BARD1: variants seen among roughly 807,000 people sequenced by gnomAD.
BARD1 encodes the protein BRCA1-associated RING domain protein 1.
A neutral mutation model predicts 77.0 loss-of-function variants in BARD1; 73 were observed. That is an observed-to-expected ratio of 0.95 (90% confidence interval 0.79 to 1.15). The LOEUF (loss-of-function observed/expected upper bound fraction) is 1.15. BARD1 is among the 50% of genes most tolerant of loss of function. The probability of loss-of-function intolerance (pLI) is 0.00; values close to 1 mark genes in which losing one functional copy is unlikely to be tolerated. For synonymous variants in BARD1, 384 were observed against 338.0 expected, an observed-to-expected ratio of 1.14 and a Z score of -1.49; for missense variants, 993 against 938.8, an observed-to-expected ratio of 1.06 and a Z score of -0.75.
chr2:214,748,377 C>G (rs761972579), intron 7 of BARD1, among the ~76,000 whole-genome samples: 11 of 151,978 alleles, frequency 7.2e-5, no homozygotes, highest in Non-Finnish European at 1.0e-4. Flanking sequence ...ACAAAAAACA[C>G]CCCAAAGGTT....
intron 2 of BARD1, among the ~76,000 whole-genome samples, chr2:214,793,843 T>C (rs939086700): frequency 1.3e-5 from 2 of 152,186 alleles, no homozygotes; most frequent in South Asian, 4.1e-4. Flanking sequence ...CATAAAATCA[T>C]GCTGAGTAAC....
At chr2:214,729,805 C>T (rs1040965252) in intron 10 of BARD1, among the ~76,000 whole-genome samples, 1 of 152,086 alleles carries the variant, frequency 6.6e-6, no homozygotes, top group Non-Finnish European at 1.5e-5. Flanking sequence ...CAATTCTGCC[C>T]ATCCACATTC....
intron 6 of BARD1, among the ~76,000 whole-genome samples, chr2:214,760,746 G>C (rs1574773658): frequency 2.0e-5 from 3 of 151,406 alleles, no homozygotes; most frequent in Admixed American, 6.6e-5. Flanking sequence ...CGTCAAAATA[G>C]GTAAAAGTTT....
intron 4 of BARD1, among the ~76,000 whole-genome samples, chr2:214,770,970 T>C (rs1025656810): frequency 1.3e-5 from 2 of 152,218 alleles, no homozygotes; most frequent in African/African-American, 4.8e-5. Context: ...ACGTTTTAAG[T>C]ATCCGTTAAC....
Position 214,731,979 on chromosome 2 carries a change from T to A in BARD1, c.1904-1471A>T, listed in dbSNP as rs137964866. On this transcript the variant is annotated intron_variant, in intron 9 of 10. Transcript: ENST00000260947. ...ATATAGCACCTGTAAGAGTTCAGAG[T>A]TACACATAGTTTTGAATATCAAACT... Among the ~76,000 whole-genome samples the A allele has an allele frequency of 6.2e-4, 95 of 152,320 alleles. No homozygotes were observed. In the East Asian group the frequency reaches 0.016, roughly 25 times the overall value.
chr2:214,765,721 T>C (rs1361120414), intron 6 of BARD1, among the ~76,000 whole-genome samples: 1 of 152,090 alleles, frequency 6.6e-6, no homozygotes, highest in Non-Finnish European at 1.5e-5. Context: ...GGTCCATGTA[T>C]ATGGAGACAC....
At chr2:214,801,240 C>T (rs546995996) in intron 1 of BARD1, among the ~76,000 whole-genome samples, 1 of 152,250 alleles carries the variant, frequency 6.6e-6, no homozygotes, top group East Asian at 1.9e-4. Context: ...CACAAACAAC[C>T]TAAATGTTTC....
intron 9 of BARD1, among the ~76,000 whole-genome samples, chr2:214,736,714 A>AG (rs113399787): frequency 0.03 from 4,584 of 152,218 alleles, 225 homozygotes; most frequent in African/African-American, 0.1. Flanking sequence ...TATGGCATCA[A>AG]AAAAATGAGA....
intron 10 of BARD1, chr2:214,730,111 T>C (rs1692284401): frequency 2.4e-6 from 1 of 418,732 alleles, no homozygotes; most frequent in African/African-American, 2.0e-5. Context: ...GGTAACTAAA[T>C]CCAAGCAGCA....
intron 6 of BARD1, among the ~76,000 whole-genome samples, chr2:214,758,671 G>A (rs965529420): frequency 1.3e-5 from 2 of 152,166 alleles, no homozygotes; most frequent in African/African-American, 4.8e-5. Flanking sequence ...GAATCCTTCT[G>A]ATCCTGAAGA....
intron 7 of BARD1, among the ~76,000 whole-genome samples, chr2:214,747,268 C>T (rs1462640354): frequency 2.0e-5 from 3 of 151,810 alleles, no homozygotes; most frequent in Non-Finnish European, 4.4e-5. Context: ...GGACTGTAAA[C>T]TAGTTCAACC....
chr2:214,766,084 T>C (rs1029681152), intron 6 of BARD1, among the ~76,000 whole-genome samples: 7 of 152,148 alleles, frequency 4.6e-5, no homozygotes, highest in Non-Finnish European at 1.0e-4. Flanking sequence ...TTTCAACTAC[T>C]TAATTAACTG....
intron 6 of BARD1, among the ~76,000 whole-genome samples, chr2:214,758,138 A>G (rs972831725): frequency 6.6e-6 from 1 of 152,196 alleles, no homozygotes; most frequent in Non-Finnish European, 1.5e-5. Flanking sequence ...GGATGGCATC[A>G]ACGTAGCATG....
intron 9 of BARD1, among the ~76,000 whole-genome samples, chr2:214,739,238 T>C (rs1692702788): frequency 1.3e-5 from 2 of 151,260 alleles, no homozygotes; most frequent in South Asian, 4.2e-4. Flanking sequence ...CAATACAAAA[T>C]ATCCTAAAAA....
intron 7 of BARD1, among the ~76,000 whole-genome samples, chr2:214,751,117 G>GTGTGTGTGTGTATATATA (rs1486423673): frequency 6.1e-5 from 1 of 16,286 alleles, no homozygotes; most frequent in Non-Finnish European, 1.4e-4. Flanking sequence ...GTGTGTGTGT[G>GTGTGTGTGTGTATATATA]TATATATATA....
chr2:214,745,550 T>C (rs1180733379), intron 8 of BARD1, among the ~76,000 whole-genome samples, 172 bp downstream of exon 8: 1 of 152,204 alleles, frequency 6.6e-6, no homozygotes, highest in Non-Finnish European at 1.5e-5. Context: ...AACTACGTTG[T>C]TGTCTATAAG....
chr2:214,755,908 G>A (rs946205273), intron 6 of BARD1, among the ~76,000 whole-genome samples: 10 of 152,124 alleles, frequency 6.6e-5, no homozygotes, highest in African/African-American at 2.2e-4. Flanking sequence ...TGAAAATGTC[G>A]AGATCTTAAC....
intron 9 of BARD1, among the ~76,000 whole-genome samples, chr2:214,738,133 CTT>C (rs1354943933): frequency 6.6e-6 from 1 of 152,072 alleles, no homozygotes; most frequent in African/African-American, 2.4e-5. Context: ...TTTATTTCAT[CTT>C]TGTTACTTTT....
intron 4 of BARD1, among the ~76,000 whole-genome samples, chr2:214,777,565 C>T (rs1694789338): frequency 6.6e-6 from 1 of 152,196 alleles, no homozygotes; most frequent in Admixed American, 6.5e-5. Flanking sequence ...ACTTGAAATC[C>T]TTTTCTGAAG....
Sources: gnomAD v4.1 joint callset for allele counts (sites outside exome capture counted in the v4.1 genomes callset) on GRCh38, gnomAD v4.1.1 for gene constraint, MANE v1.5 for transcripts, NCBI Gene and HGNC (gene_info 2026-07-23, HGNC 2026-07-21) for gene names.